The following MTOR variants were observed in gnomAD, a reference collection of about 807,000 sequenced individuals.
MTOR encodes serine/threonine-protein kinase mTOR.
In MTOR, 70 loss-of-function variants were observed where a neutral mutation model predicts 319.8. That is an observed-to-expected ratio of 0.22 (90% CI 0.18 to 0.27). The LOEUF is 0.27. Ranked by LOEUF, MTOR falls within the 10% of genes least tolerant of loss-of-function variation. The pLI is 1.00. For synonymous variants in MTOR, 1,183 were observed against 1,211.4 expected, an observed-to-expected ratio of 0.98 and a Z score of 0.49; for missense variants, 1,890 against 3,274.4, an observed-to-expected ratio of 0.58 and a Z score of 10.32.
At chr1:11,148,603 TA>T (rs779215327) in intron 31 of MTOR, among the ~76,000 whole-genome samples, 2 of 152,032 alleles carry the variant, frequency 1.3e-5, no homozygotes, top group Non-Finnish European at 2.9e-5. Flanking sequence ...CATCTCTCTT[TA>T]AAACAAAAAA....
In MTOR at chr1:11,108,283, C is replaced by T. The variant is rs774784384; in HGVS notation, c.7532G>A (p.Arg2511Gln). 6 of 1,613,040 alleles carry T rather than the reference C, an allele frequency of 3.7e-6. No individual in the cohort carries two copies. The highest frequency in any genetic ancestry group is 5.1e-6 in the Non-Finnish European group (6 of 1,179,114). The stretch of plus-strand genomic sequence containing the variant: ...CAAAGTGTCATCATGAGAGAAGTCC[C>T]GACCTAGCACAGGAGGAACAAAAAC... Reference protein sequence around the residue: ...INRVRDKLTGRDFSHDDTLDV... With the variant: ...INRVRDKLTGQDFSHDDTLDV... Residue 2511 changes from arginine to glutamine, a missense_variant, in exon 57 of 58, where the codon CGG (arginine) becomes CAG (glutamine). Physicochemically the swap from Arg to Gln is conservative, Grantham distance 43. Transcript: ENST00000361445.
intron 32 of MTOR, among the ~76,000 whole-genome samples, chr1:11,146,338 C>T (rs1369605866): frequency 1.3e-5 from 2 of 152,202 alleles, no homozygotes; most frequent in Admixed American, 1.3e-4. Context: ...CTGATTTCTG[C>T]TGCACAGTGA....
At position 11,114,645 on chromosome 1, in the gene MTOR, A is replaced by G. The variant is rs1642069467; in HGVS notation, c.7164+168T>C. On this transcript the variant is annotated intron_variant, in intron 52 of 57. Coordinates refer to ENST00000361445, the MANE Select transcript of MTOR (RefSeq NM_004958.4). ...AAACCAGGTCAGAAGTGAAGTGGTA[A>G]GCCTTTCATAGATAGGTCATTTCTA... is the stretch of plus-strand genomic sequence containing the variant. The G allele has an allele frequency of 1.7e-5, 17 of 986,868 alleles. No individual in the cohort carries two copies. The East Asian group carries it at 1.8e-4, about 11-fold the overall frequency. The allele number at this position is 986,868 out of a possible 1,614,324, so 61.1% of individuals were successfully genotyped here. A position where few individuals can be genotyped will look rare whatever the true frequency, so the allele number is the denominator to read the frequency against.
At chr1:11,249,407 CTTTA>C (rs139501937) in intron 6 of MTOR, among the ~76,000 whole-genome samples, 13,786 of 150,682 alleles carry the variant, frequency 0.091, 1,064 homozygotes, top group African/African-American at 0.19. Flanking sequence ...AACACTCCAT[CTTTA>C]TTTATTTATT....
intron 26 of MTOR, among the ~76,000 whole-genome samples, chr1:11,204,302 G>A (rs896276546): frequency 2.6e-5 from 4 of 152,136 alleles, no homozygotes; most frequent in African/African-American, 7.2e-5. Context: ...TTACACAGTT[G>A]CTTTTAGAGT....
Position 11,212,410 on chromosome 1 carries a change from T to A in MTOR, c.3463A>T (p.Ile1155Phe). 1 of 1,614,140 alleles carries A rather than the reference T, an allele frequency of 6.2e-7. No homozygotes were observed. Among genetic ancestry groups the A allele is most frequent in the Non-Finnish European group, 8.5e-7 (1 of 1,180,024 alleles). The change falls in exon 23 of 58, where the codon ATC becomes TTC. Residue 1155 changes from isoleucine (I) to phenylalanine (F), a missense_variant. By Grantham distance (21) the Ile-to-Phe change is conservative. Transcript: ENST00000361445. This position sits in a 1 kb window ranked among gnomAD's most constrained non-coding sequence, Gnocchi z 4.1. ...SLDFTDYASR[I>F]IHPIVRTLDQ... ...AGTGTTCGAACAATAGGGTGAATGA[T>A]CCGGGAGGCATAGTCAGTGAAATCC...
chr1:11,246,362 A>T (rs1286058759), intron 8 of MTOR, among the ~76,000 whole-genome samples: 1 of 152,214 alleles, frequency 6.6e-6, no homozygotes, highest in Non-Finnish European at 1.5e-5. Flanking sequence ...CAGACTTTCA[A>T]TCCAAGATCA....
intron 30 of MTOR, 65 bp downstream of exon 30, chr1:11,157,087 A>G (rs1477486058): frequency 4.0e-6 from 6 of 1,498,810 alleles, no homozygotes; most frequent in Middle Eastern, 1.9e-4. Flanking sequence ...CCTTCCTTTC[A>G]AATCCAAAGA....
Position 11,201,002 on chromosome 1 carries a change from G to A in MTOR, c.3945-1299C>T, listed in dbSNP as rs555743805. ...TGCACTCCAGCCTGGGCAACAGAGCGAGACTCTGTTTCAAAAAAAAAAAAA... is the reference window on the plus strand; with the variant it reads ...TGCACTCCAGCCTGGGCAACAGAGCAAGACTCTGTTTCAAAAAAAAAAAAA... On this transcript the variant is annotated intron_variant, in intron 26 of 57. Coordinates refer to ENST00000361445, the MANE Select transcript of MTOR (RefSeq NM_004958.4). 6.0e-5 allele frequency among the ~76,000 whole-genome samples: 9 copies of A among 150,140 alleles called. No individual in the cohort carries two copies. The East Asian group carries it at 9.8e-4, about 16-fold the overall frequency.
intron 52 of MTOR, 173 bp downstream of exon 52, chr1:11,114,640 T>G (rs879047411): frequency 9.9e-7 from 1 of 1,013,442 alleles, no homozygotes; most frequent in South Asian, 1.6e-5. Context: ...AGAAGTGAAG[T>G]GGTAAGCCTT....
In MTOR at chr1:11,130,566, C is replaced by T. The variant is rs1462490050; in HGVS notation, c.5576G>A (p.Ser1859Asn). The stretch of plus-strand genomic sequence containing the variant: ...CTTCTGCAGCGGCGATGGGGTGGGG[C>T]TGTTCTCGGTGCTCTCGGCCTCGCT... ...SESEAESTEN[S>N]PTPSPLQKKV... The change falls in exon 39 of 58, where the codon AGC becomes AAC. Residue 1859 changes from serine (S) to asparagine (N), a missense_variant. Physicochemically the swap from Ser to Asn is conservative, Grantham distance 46 (BLOSUM62 1). Coordinates refer to ENST00000361445, the MANE Select transcript of MTOR (RefSeq NM_004958.4). 2.5e-6 allele frequency: 4 copies of T among 1,613,492 alleles called. No homozygotes were observed. The African/African-American group carries it at 5.3e-5, about 22-fold the overall frequency.
At chr1:11,150,557 G>T (rs1016905333) in intron 30 of MTOR, among the ~76,000 whole-genome samples, 2 of 152,140 alleles carry the variant, frequency 1.3e-5, no homozygotes, top group Non-Finnish European at 2.9e-5. Flanking sequence ...CCTTTGGCAG[G>T]CCTACAGAGA....
chr1:11,140,077 G>A (rs890007494), intron 34 of MTOR, among the ~76,000 whole-genome samples: 1 of 151,954 alleles, frequency 6.6e-6, no homozygotes, highest in Non-Finnish European at 1.5e-5. Flanking sequence ...TGCCTGCTTC[G>A]GCTCCCAAAG....
At chr1:11,141,150 C>T (rs1002982816) in intron 34 of MTOR, among the ~76,000 whole-genome samples, 9 of 152,112 alleles carry the variant, frequency 5.9e-5, no homozygotes, top group Non-Finnish European at 7.4e-5. Context: ...GGGTCTCACT[C>T]TGTCACCCAG....
intron 13 of MTOR, among the ~76,000 whole-genome samples, chr1:11,235,169 C>T (rs1647157864): frequency 6.6e-6 from 1 of 152,174 alleles, no homozygotes; most frequent in African/African-American, 2.4e-5. Flanking sequence ...GAAGACATGG[C>T]TGACTGCAAG....
chr1:11,255,660 GGC>G (rs1650297237), intron 5 of MTOR, among the ~76,000 whole-genome samples: 2 of 151,846 alleles, frequency 1.3e-5, no homozygotes, highest in Non-Finnish European at 2.9e-5. Flanking sequence ...AGACCAGCCT[GGC>G]CAACATGGCA....
intron 26 of MTOR, among the ~76,000 whole-genome samples, chr1:11,200,861 A>C (rs549920864): frequency 9.2e-5 from 14 of 152,068 alleles, no homozygotes; most frequent in Non-Finnish European, 1.9e-4. Flanking sequence ...TAAAAATACA[A>C]AAAATTAGCC....
intron 28 of MTOR, among the ~76,000 whole-genome samples, chr1:11,184,282 T>A (rs1230545760): frequency 6.6e-6 from 1 of 152,240 alleles, no homozygotes; most frequent in Non-Finnish European, 1.5e-5. Flanking sequence ...AGGGAGGGAT[T>A]AGAATCCAGA....
At chr1:11,125,148 G>A (rs924372926) in intron 46 of MTOR, among the ~76,000 whole-genome samples, 9 of 152,166 alleles carry the variant, frequency 5.9e-5, no homozygotes, top group Non-Finnish European at 1.3e-4. Context: ...GGTTCTAGCT[G>A]GGCTCCTTGC....
Sources: allele counts gnomAD v4.1 joint callset (sites outside exome capture counted in the v4.1 genomes callset), GRCh38; gene constraint gnomAD v4.1.1; non-coding constraint Gnocchi (gnomAD v3.1); transcripts MANE v1.5; gene names NCBI Gene and HGNC (gene_info 2026-07-23, HGNC 2026-07-21).